MAK: variants seen among roughly 807,000 people sequenced by gnomAD.
The protein encoded by MAK is male germ cell associated kinase.
In MAK, 65 loss-of-function variants were observed where a neutral mutation model predicts 82.6. That is an observed-to-expected ratio of 0.79 (90% CI 0.64 to 0.97). The LOEUF (loss-of-function observed/expected upper bound fraction) is 0.97, where lower values mean the gene tolerates loss of function less well. MAK is among the 50% of genes least tolerant of loss of function. MAK has a pLI of 0.00. For missense variants in MAK, 703 were observed against 780.2 expected, an observed-to-expected ratio of 0.90 and a Z score of 1.18; for synonymous variants, 250 against 274.2, an observed-to-expected ratio of 0.91 and a Z score of 0.87.
intron 7 of MAK, among the ~76,000 whole-genome samples, chr6:10,802,923 A>G (rs973069553): frequency 1.3e-5 from 2 of 152,116 alleles, no homozygotes; most frequent in South Asian, 4.2e-4. Context: ...TGTAGATGAA[A>G]TATAGTTAAT....
At chr6:10,797,046 T>C (rs765441641) in intron 8 of MAK, among the ~76,000 whole-genome samples, 2 of 152,122 alleles carry the variant, frequency 1.3e-5, no homozygotes, top group Admixed American at 6.6e-5. Context: ...ATATAGATTA[T>C]TTGAAATGAT....
intron 9 of MAK, among the ~76,000 whole-genome samples, chr6:10,794,889 G>A (rs1775385078): frequency 6.6e-6 from 1 of 152,198 alleles, no homozygotes; most frequent in Non-Finnish European, 1.5e-5. Context: ...CTACTCAGGA[G>A]GCTGAGGCAG....
rs551055655 is a variant in MAK at position 10,788,893 on chromosome 6, G to C, written c.1316+2782C>G. Among the ~76,000 whole-genome samples, 17 of 152,076 alleles carry C rather than the reference G, an allele frequency of 1.1e-4. No homozygotes were observed. In the East Asian group the frequency reaches 3.1e-3, roughly 28 times the overall value. Reference sequence around the variant, plus strand: ...ATCTATAATTTTTCATCATAAATTTGTTCCTTATTTCTTGTTAACAGCAGA... The same window carrying C: ...ATCTATAATTTTTCATCATAAATTTCTTCCTTATTTCTTGTTAACAGCAGA... On this transcript the variant is annotated intron_variant, in intron 10 of 14. Coordinates refer to ENST00000354489, the MANE Select transcript of MAK (RefSeq NM_001242957.3).
intron 7 of MAK, chr6:10,802,520 T>C: frequency 6.3e-6 from 1 of 159,100 alleles, no homozygotes; most frequent in Non-Finnish European, 1.4e-5. Context: ...AGGCTGGTCT[T>C]GAACTCCTGG....
At chr6:10,825,480 CCTCTTTTCTT>C (rs1778295882) in intron 2 of MAK, among the ~76,000 whole-genome samples, 1 of 151,920 alleles carries the variant, frequency 6.6e-6, no homozygotes, top group Non-Finnish European at 1.5e-5. Context: ...TAAATGAGGA[CCTCTTTTCTT>C]CTCCCTCTAA....
intron 1 of MAK, among the ~76,000 whole-genome samples, chr6:10,833,084 T>G (rs75580201): frequency 0.054 from 8,222 of 152,262 alleles, 332 homozygotes; most frequent in Non-Finnish European, 0.076. Context: ...TTCATTTAAA[T>G]CATAGAAATT....
At chr6:10,792,540 G>C (rs1423251120) in intron 9 of MAK, among the ~76,000 whole-genome samples, 1 of 152,190 alleles carries the variant, frequency 6.6e-6, no homozygotes, top group African/African-American at 2.4e-5. Context: ...TCACAGAATG[G>C]AGGCATCATT....
chr6:10,808,762 T>C (rs1776692629), intron 6 of MAK, 48 bp downstream of exon 6: 3 of 1,594,062 alleles, frequency 1.9e-6, no homozygotes. Flanking sequence ...CGTAGGAAAA[T>C]TTCACCATAG....
At position 10,800,501 on chromosome 6, in the gene MAK, C is replaced by T. The variant is rs1775931757; in HGVS notation, c.831+1391G>A. Among the ~76,000 whole-genome samples, 1 of 151,146 alleles carries T rather than the reference C, an allele frequency of 6.6e-6. No homozygotes were observed. The highest frequency in any genetic ancestry group is 2.4e-5 in the African/African-American group (1 of 41,124). ...AGATCAAATACACATGTATGCTTTC[C>T]TTTTGTTTCTAACAGTTTAGGGTGC... On this transcript the variant is annotated intron_variant, in intron 8 of 14. Coordinates refer to ENST00000354489, the MANE Select transcript of MAK (RefSeq NM_001242957.3). The surrounding 1 kb of genome is among the most constrained non-coding windows in gnomAD (Gnocchi z 4.2).
In MAK at chr6:10,817,921, G is replaced by A; in HGVS notation, c.207C>T (p.Ile69=). The change falls in exon 4 of 15, where the codon ATC becomes ATT. Residue 69 remains isoleucine (I), a synonymous_variant. Transcript: ENST00000354489. ...TAAAATAAAGATGGTCATTTTCTCT[G>A]ATAACTTCTTTCAATTTAATAACAT... ...HANVIKLKEV[I]RENDHLYFIF... is the part of the protein sequence containing the mutation. The A allele has an allele frequency of 7.1e-7, 1 of 1,417,634 alleles. No homozygotes were observed. The highest frequency in any genetic ancestry group is 1.4e-5 in the African/African-American group (1 of 70,826). The allele number at this position is 1,417,634 out of a possible 1,614,324, so 87.8% of individuals were successfully genotyped here.
chr6:10,784,944 A>G (rs968755852), intron 10 of MAK: 11 of 466,300 alleles, frequency 2.4e-5, no homozygotes, highest in South Asian at 7.7e-5. Flanking sequence ...TTTACAATCA[A>G]TGAGGTTGTT....
rs73721389 is a variant in MAK at position 10,776,628 on chromosome 6, A to T, written c.1466-1169T>A. Among the ~76,000 whole-genome samples the T allele has an allele frequency of 8.1e-3, 1,236 of 152,290 alleles. 22 individuals carry two copies. Among genetic ancestry groups the T allele is most frequent in the African/African-American group, 0.028 (1,184 of 41,560 alleles). On this transcript the variant is annotated intron_variant, in intron 11 of 14. Coordinates refer to ENST00000354489, the MANE Select transcript of MAK (RefSeq NM_001242957.3). This position sits in a 1 kb window ranked among gnomAD's most constrained non-coding sequence, Gnocchi z 4.3. ...GCTGGATTCCTTAGAAAGGTTTCAT[A>T]TGTATGAGATATATAATAATATCCC...
rs202053448 is a variant in MAK, at chr6:10,779,690, T to G, written c.1466-4231A>C. 5.9e-5 allele frequency among the ~76,000 whole-genome samples: 9 copies of G among 152,238 alleles called. No individual in the cohort carries two copies. The East Asian group carries it at 1.3e-3, about 23-fold the overall frequency. ...GTCAAGGATTGTTTCTTTTTTTAAA[T>G]TTTTTTATTTTTTGAGACAGTTTCA... On this transcript the variant is annotated intron_variant, in intron 11 of 14. Transcript: ENST00000354489.
At chr6:10,798,798 CATTATTT>C (rs1327663126) in intron 8 of MAK, among the ~76,000 whole-genome samples, 5 of 145,346 alleles carry the variant, frequency 3.4e-5, no homozygotes, top group African/African-American at 1.3e-4. Context: ...AGTTTAGAAA[CATTATTT>C]ATTTATTTAT....
chr6:10,775,450 G>C lies in MAK; in HGVS notation c.1475C>G (p.Pro492Arg). The change falls in exon 12 of 15, where the codon CCC becomes CGC. Residue 492 changes from proline (P) to arginine (R), a missense_variant. Pro to Arg is a moderately radical substitution (Grantham distance 103). Coordinates refer to ENST00000354489, the MANE Select transcript of MAK (RefSeq NM_001242957.3). ...ACTGGCTATCAAGGACACCTTCTTG[G>C]GATTCACACCTGAGAAGAACAAAAC... Reference protein sequence around the residue: ...KQSRYLPGVNPKKVSLIASGK... With the variant: ...KQSRYLPGVNRKKVSLIASGK... The C allele has an allele frequency of 1.2e-6, 2 of 1,613,016 alleles. No individual in the cohort carries two copies. The highest frequency in any genetic ancestry group is 3.3e-4 in the Middle Eastern group (2 of 6,056).
intron 6 of MAK, among the ~76,000 whole-genome samples, chr6:10,808,267 A>G (rs1776652567): frequency 6.6e-6 from 1 of 152,104 alleles, no homozygotes; most frequent in African/African-American, 2.4e-5. Context: ...TGATCTCAAC[A>G]TTGTCTAAGA....
intron 5 of MAK, among the ~76,000 whole-genome samples, chr6:10,813,112 ATATATATATATATATATATATAAATTTTT>A (rs1777118783): frequency 4.1e-4 from 1 of 2,416 alleles, no homozygotes; most frequent in Non-Finnish European, 1.5e-3. Flanking sequence ...ATATATATAT[ATATATATATATATATATATATAAATTTTT>A]TTTTTTTTTT....
intron 1 of MAK, among the ~76,000 whole-genome samples, chr6:10,831,849 T>C (rs1778836082): frequency 6.6e-6 from 1 of 152,140 alleles, no homozygotes; most frequent in Admixed American, 6.6e-5. Context: ...TGAGGAAGTG[T>C]TTCTTATGGA....
chr6:10,790,336 A>C (rs549755938), intron 10 of MAK, among the ~76,000 whole-genome samples: 39 of 152,304 alleles, frequency 2.6e-4, no homozygotes, highest in African/African-American at 8.9e-4. Context: ...ATACTATGTC[A>C]TGCCAAATAG....
Sources: allele counts gnomAD v4.1 joint callset (sites outside exome capture counted in the v4.1 genomes callset), GRCh38; gene constraint gnomAD v4.1.1; non-coding constraint Gnocchi (gnomAD v3.1); transcripts MANE v1.5; gene names NCBI Gene and HGNC (gene_info 2026-07-23, HGNC 2026-07-21).